MORN4: variants seen among roughly 807,000 people sequenced by gnomAD.
MORN4 encodes the protein MORN repeat-containing protein 4.
In MORN4, 8 loss-of-function variants were observed where a neutral mutation model predicts 16.4. The observed-to-expected ratio is 0.49, with a 90% CI of 0.29 to 0.88. MORN4 has a LOEUF of 0.88. Ranked by LOEUF, MORN4 falls within the 40% of genes least tolerant of loss-of-function variation. The pLI is 0.09. For synonymous variants in MORN4, 53 were observed against 68.9 expected (o/e 0.77, Z 1.14); for missense variants, 159 against 182.9 (o/e 0.87, Z 0.75).
intron 1 of MORN4, among the ~76,000 whole-genome samples, chr10:97,626,849 C>T (rs1261110414): frequency 6.6e-6 from 1 of 151,436 alleles, no homozygotes; most frequent in Non-Finnish European, 1.5e-5. Context: ...CCTCTGCCTC[C>T]CAGGTTCAAG....
In MORN4 at chr10:97,619,379, T is replaced by A. The variant is rs184349044; in HGVS notation, c.67+208A>T. 3.4e-5 allele frequency: 20 copies of A among 593,924 alleles called. No homozygotes were observed. In the East Asian group the frequency reaches 5.5e-4, roughly 16 times the overall value. 36.8% of individuals were successfully genotyped at this position (593,924 alleles called of 1,614,324 possible). On this transcript the variant is annotated intron_variant, in intron 2 of 4. Transcript: ENST00000307450. The stretch of plus-strand genomic sequence containing the variant: ...AACAGAAGCAAAAAAAAGAAAGATA[T>A]AACTCATTCCTGGAGGTTGAATTAA...
chr10:97,619,058 C>T (rs2041264780), intron 2 of MORN4, among the ~76,000 whole-genome samples: 1 of 152,220 alleles, frequency 6.6e-6, no homozygotes, highest in Non-Finnish European at 1.5e-5. Flanking sequence ...GGCATGGTGG[C>T]TGATGCCTGT....
Position 97,617,277 on chromosome 10 carries a change from G to A in MORN4, c.113C>T (p.Thr38Ile), listed in dbSNP as rs2041244659. Residue 38 changes from threonine (T) to isoleucine (I), a missense_variant, in exon 3 of 5, where the codon ACC (threonine) becomes ATC (isoleucine). Thr to Ile is a moderately conservative substitution (Grantham distance 89, BLOSUM62 -1). Transcript: ENST00000307450. Reference sequence around the variant, plus strand: ...CCCATTCTCAAAATGACCCAGGTAGGTGCCACCATCTGCAAACATCAGTTG... The same window carrying A: ...CCCATTCTCAAAATGACCCAGGTAGATGCCACCATCTGCAAACATCAGTTG... ...FGQLMFADGG[T>I]YLGHFENGLF... 6.2e-7 allele frequency: 1 copy of A among 1,614,146 alleles called. No homozygotes were observed. The highest frequency in any genetic ancestry group is 1.7e-5 in the Admixed American group (1 of 60,004).
rs2041243768 is a variant in MORN4 at position 97,617,214 on chromosome 10, C to A, written c.176G>T (p.Gly59Val). 1 of 1,613,518 alleles carries A rather than the reference C, an allele frequency of 6.2e-7. No homozygotes were observed. Among genetic ancestry groups the A allele is most frequent in the Non-Finnish European group, 8.5e-7 (1 of 1,179,450 alleles). The change falls in exon 3 of 5, where the codon GGT becomes GTT. Residue 59 changes from glycine (G) to valine (V), a missense_variant. Transcript: ENST00000307450. ...NGFGVLTFSD[G>V]SRYEGEFAQG... The stretch of plus-strand genomic sequence containing the variant: ...GGAATGACCTCATACCCACCTTGAA[C>A]CATCTGAGAAGGTCAATACCCCAAA...
chr10:97,623,566 A>G (rs1417870336), intron 1 of MORN4, among the ~76,000 whole-genome samples: 1 of 152,044 alleles, frequency 6.6e-6, no homozygotes, highest in Non-Finnish European at 1.5e-5. Flanking sequence ...TGGTGGAGAA[A>G]CAGGAAAGAA....
chr10:97,623,042 A>T (rs896143251), intron 1 of MORN4, among the ~76,000 whole-genome samples: 2 of 151,748 alleles, frequency 1.3e-5, no homozygotes, highest in African/African-American at 4.8e-5. Context: ...ACACTACCAC[A>T]TCTAGCTACC....
In MORN4 at chr10:97,616,692, C is replaced by T. The variant is rs1163009313; in HGVS notation, c.278G>A (p.Arg93Lys). 1 of 1,613,738 alleles carries T rather than the reference C, an allele frequency of 6.2e-7. No individual in the cohort carries two copies. Among genetic ancestry groups the T allele is most frequent in the Admixed American group, 1.7e-5 (1 of 60,016 alleles). Residue 93 changes from arginine (R) to lysine (K), a missense_variant, in exon 4 of 5, where the codon AGA becomes AAA. By Grantham distance (26) the Arg-to-Lys change is conservative. Transcript: ENST00000307450. Reference sequence around the variant, plus strand: ...CTGCAACTTACCAAAACCATCTACTCTGCCATTTTTAAATTCCCCCTCAAA... The same window carrying T: ...CTGCAACTTACCAAAACCATCTACTTTGCCATTTTTAAATTCCCCCTCAAA... Reference protein sequence around the residue: ...MTFEGEFKNGRVDGFGLLTFP... With the variant: ...MTFEGEFKNGKVDGFGLLTFP...
intron 2 of MORN4, among the ~76,000 whole-genome samples, chr10:97,618,255 CTTCT>C (rs1308993021): frequency 7.6e-6 from 1 of 132,264 alleles, no homozygotes; most frequent in African/African-American, 2.8e-5. Flanking sequence ...GCCAGCCTCT[CTTCT>C]TTTTTTTTTT....
rs1000756225 is a variant in MORN4, at chr10:97,615,523, C to T, written c.*740G>A. 2 of 152,058 alleles carry T rather than the reference C, an allele frequency of 1.3e-5. No individual in the cohort carries two copies. The highest frequency in any genetic ancestry group is 4.8e-5 in the African/African-American group (2 of 41,416). 9.4% of individuals were successfully genotyped at this position (152,058 alleles called of 1,614,324 possible). A position where few individuals can be genotyped will look rare whatever the true frequency, so the allele number is the denominator to read the frequency against. On this transcript the variant is annotated 3_prime_UTR_variant, in exon 5 of 5. Coordinates refer to ENST00000307450, the MANE Select transcript of MORN4 (RefSeq NM_178832.4). ...GGATCACGAGGTCAGGAGTTTGAGACCAGCCTGGCCAATATGGTGAAACCC... is the reference window on the plus strand; with the variant it reads ...GGATCACGAGGTCAGGAGTTTGAGATCAGCCTGGCCAATATGGTGAAACCC...
At chr10:97,619,072 C>T (rs1395336148) in intron 2 of MORN4, among the ~76,000 whole-genome samples, 1 of 152,180 alleles carries the variant, frequency 6.6e-6, no homozygotes, top group Non-Finnish European at 1.5e-5. Flanking sequence ...TGCCTGTAAT[C>T]CCAGCACTTG....
rs1210683127 is a variant in MORN4 at position 97,620,488 on chromosome 10, C to CAAAAAAAA, written c.-30-813_-30-806dup. Among the ~76,000 whole-genome samples the CAAAAAAAA allele has an allele frequency of 2.2e-4, 9 of 41,136 alleles. 1 individual carries two copies. The highest frequency in any genetic ancestry group is 7.1e-4 in the African/African-American group (7 of 9,802). 27.0% of individuals were successfully genotyped at this position (41,136 alleles called of 152,430 possible). A position where few individuals can be genotyped will look rare whatever the true frequency, so the allele number is the denominator to read the frequency against. On this transcript the variant is annotated intron_variant, in intron 1 of 4. Coordinates refer to ENST00000307450, the MANE Select transcript of MORN4 (RefSeq NM_178832.4). Reference sequence around the variant, plus strand: ...TGGGTGACGGAGCAAGACTCTGTCTCAAAAAAAAAAAAAAAAAAAGAAAAA... The same window carrying CAAAAAAAA: ...TGGGTGACGGAGCAAGACTCTGTCTCAAAAAAAAAAAAAAAAAAAAAAAAAAAGAAAAA...
upstream of MORN4, chr10:97,633,567 C>T (rs1475630781): frequency 1.6e-6 from 2 of 1,289,882 alleles, no homozygotes; most frequent in Admixed American, 4.6e-5. The surrounding 1 kb of genome is among the most constrained non-coding windows in gnomAD (Gnocchi z 4.5). Flanking sequence ...TCCGCATTGG[C>T]CCAGCCCGGC....
In MORN4 at chr10:97,630,437, T is replaced by C. The variant is rs111941669; in HGVS notation, c.-31+2910A>G. On this transcript the variant is annotated intron_variant, in intron 1 of 4. Transcript: ENST00000307450. ...TACAGCAATAATAACTGGAATACCA[T>C]GTTTCAACCTAACCCTCCCACCATC... Among the ~76,000 whole-genome samples the C allele has an allele frequency of 5.9e-3, 894 of 152,330 alleles. 10 individuals are homozygous for C. Among genetic ancestry groups the C allele is most frequent in the African/African-American group, 0.019 (778 of 41,572 alleles).
chr10:97,622,553 G>C (rs1039096858), intron 1 of MORN4, among the ~76,000 whole-genome samples: 1 of 151,786 alleles, frequency 6.6e-6, no homozygotes, highest in Non-Finnish European at 1.5e-5. Flanking sequence ...AAATTAGCCG[G>C]GTGTGGTGGT....
At chr10:97,617,712 T>C (rs2041248635) in intron 2 of MORN4, among the ~76,000 whole-genome samples, 2 of 151,642 alleles carry the variant, frequency 1.3e-5, no homozygotes, top group Admixed American at 1.3e-4. Flanking sequence ...ATACAAAAAT[T>C]AGCTGGGTGT....
chr10:97,622,452 G>A (rs970914274), intron 1 of MORN4, among the ~76,000 whole-genome samples: 2 of 152,084 alleles, frequency 1.3e-5, no homozygotes, highest in Non-Finnish European at 2.9e-5. Flanking sequence ...TTGGGAGGCT[G>A]AGGCTTGCGG....
At position 97,617,272 on chromosome 10, in the gene MORN4, G is replaced by A. The variant is rs1198663691; in HGVS notation, c.118C>T (p.Leu40=). 1 of 1,614,038 alleles carries A rather than the reference G, an allele frequency of 6.2e-7. No homozygotes were observed. The highest frequency in any genetic ancestry group is 2.2e-5 in the East Asian group (1 of 44,894). ...AAGAGCCCATTCTCAAAATGACCCA[G>A]GTAGGTGCCACCATCTGCAAACATC... ...QLMFADGGTY[L]GHFENGLFNG... Residue 40 remains leucine, a synonymous_variant, in exon 3 of 5, where the codon CTG becomes TTG. Transcript: ENST00000307450.
chr10:97,631,411 C>T (rs2041394492), intron 1 of MORN4, among the ~76,000 whole-genome samples: 1 of 152,178 alleles, frequency 6.6e-6, no homozygotes, highest in Admixed American at 6.5e-5. Context: ...TTAGTCTGCA[C>T]TATATACCAT....
At chr10:97,633,543 G>C (rs1228260470), upstream of MORN4, 1 of 1,289,854 alleles carries the variant, frequency 7.8e-7, no homozygotes, top group South Asian at 1.2e-5. This position sits in a 1 kb window ranked among gnomAD's most constrained non-coding sequence, Gnocchi z 4.5. Context: ...CTAGGCAACC[G>C]GGAGCAACGC....
Sources: allele counts gnomAD v4.1 joint callset (sites outside exome capture counted in the v4.1 genomes callset), GRCh38; gene constraint gnomAD v4.1.1; non-coding constraint Gnocchi (gnomAD v3.1); transcripts MANE v1.5; gene names NCBI Gene and HGNC (gene_info 2026-07-23, HGNC 2026-07-21).